The following PTPRG variants were observed in gnomAD, a reference collection of about 807,000 sequenced individuals.
PTPRG encodes the protein receptor-type tyrosine-protein phosphatase gamma.
In PTPRG, 102 loss-of-function variants were observed where a neutral mutation model predicts 165.3. The observed-to-expected ratio is 0.62, with a 90% CI of 0.53 to 0.73. PTPRG has a LOEUF of 0.73. Ranked by LOEUF, PTPRG falls within the 30% of genes least tolerant of loss-of-function variation. The pLI is 0.00. For synonymous variants in PTPRG, 675 were observed against 669.5 expected (o/e 1.01, Z -0.13); for missense variants, 1,866 against 1,861.4 (o/e 1.00, Z -0.05).
At chr3:61,752,508 G>T (rs2033471608) in intron 2 of PTPRG, among the ~76,000 whole-genome samples, 2 of 152,070 alleles carry the variant, frequency 1.3e-5, no homozygotes, top group Admixed American at 1.3e-4. Context: ...GAAAAAGTTT[G>T]CTGGCCGGGT....
At chr3:61,899,012 G>T (rs934798360) in intron 2 of PTPRG, among the ~76,000 whole-genome samples, 5 of 151,886 alleles carry the variant, frequency 3.3e-5, no homozygotes, top group Non-Finnish European at 7.4e-5. Flanking sequence ...GGGCTCAAGC[G>T]ATCCTCCCAC....
chr3:62,064,432 G>A (rs1231933459), intron 4 of PTPRG, among the ~76,000 whole-genome samples: 2 of 152,066 alleles, frequency 1.3e-5, no homozygotes, highest in Admixed American at 1.3e-4. Context: ...TTCAAGGTTG[G>A]TCTTGAACTC....
intron 2 of PTPRG, among the ~76,000 whole-genome samples, chr3:61,932,365 A>G (rs1344827781): frequency 6.6e-6 from 1 of 152,260 alleles, no homozygotes; most frequent in Non-Finnish European, 1.5e-5. Flanking sequence ...ACATAGGATC[A>G]CAAATAGTGT....
chr3:62,038,263 G>C (rs369995194), intron 4 of PTPRG, among the ~76,000 whole-genome samples: 27 of 152,306 alleles, frequency 1.8e-4, no homozygotes, highest in African/African-American at 6.5e-4. Flanking sequence ...CCCTAAGTTG[G>C]TAATGCAGGC....
intron 2 of PTPRG, among the ~76,000 whole-genome samples, chr3:61,776,466 A>G (rs1424291825): frequency 5.3e-5 from 8 of 152,194 alleles, no homozygotes; most frequent in Non-Finnish European, 1.0e-4. Context: ...GCTTATGGTA[A>G]GAACCCGTTT....
intron 27 of PTPRG, among the ~76,000 whole-genome samples, chr3:62,282,009 A>G (rs1031563669): frequency 2.0e-5 from 3 of 152,026 alleles, no homozygotes; most frequent in African/African-American, 7.2e-5. Context: ...AAGCTTTGCA[A>G]TGTGTTGCAC....
intron 4 of PTPRG, among the ~76,000 whole-genome samples, chr3:62,024,275 G>C (rs184034716): frequency 9.2e-5 from 14 of 152,086 alleles, no homozygotes; most frequent in African/African-American, 3.1e-4. Flanking sequence ...ACCCAACCTG[G>C]TAATAGAAAG....
intron 2 of PTPRG, among the ~76,000 whole-genome samples, chr3:61,871,411 T>C (rs1395460760): frequency 6.6e-6 from 1 of 151,942 alleles, no homozygotes; most frequent in African/African-American, 2.4e-5. Flanking sequence ...AAATTTTTTT[T>C]TGGAGAGATG....
intron 7 of PTPRG, among the ~76,000 whole-genome samples, chr3:62,164,259 C>T (rs1470416464): frequency 6.6e-6 from 1 of 152,118 alleles, no homozygotes; most frequent in East Asian, 1.9e-4. Context: ...AGGCAAGAGT[C>T]AGGGTGTGGG....
At chr3:61,608,250 G>A (rs1701068404) in intron 1 of PTPRG, among the ~76,000 whole-genome samples, 1 of 151,886 alleles carries the variant, frequency 6.6e-6, no homozygotes, top group Non-Finnish European at 1.5e-5. Context: ...CAGCTAGGGA[G>A]AAGCTGAGCA....
intron 2 of PTPRG, among the ~76,000 whole-genome samples, chr3:61,857,751 G>T (rs1434407476): frequency 6.6e-6 from 1 of 152,162 alleles, no homozygotes; most frequent in African/African-American, 2.4e-5. Context: ...AATGTTGGGT[G>T]TGTGTTGTTG....
At chr3:62,163,959 T>G (rs892649105) in intron 7 of PTPRG, among the ~76,000 whole-genome samples, 2 of 152,222 alleles carry the variant, frequency 1.3e-5, no homozygotes, top group African/African-American at 4.8e-5. Flanking sequence ...GGCCAGATCA[T>G]AAGGGCCCCA....
At chr3:61,739,618 T>C (rs1349046915) in intron 1 of PTPRG, among the ~76,000 whole-genome samples, 2 of 152,236 alleles carry the variant, frequency 1.3e-5, no homozygotes, top group African/African-American at 4.8e-5. Context: ...ATACCTTTTC[T>C]GAATAATTGT....
rs550648898 is a variant in PTPRG, at chr3:62,143,222, C to A, written c.682+10554C>A. The stretch of plus-strand genomic sequence containing the variant: ...ACACCATTGTGACTATCCTTGTGGT[C>A]CAAAAGCTCGAAATAAGCCATCTGA... On this transcript the variant is annotated intron_variant, in intron 6 of 29. Transcript: ENST00000474889. Among the ~76,000 whole-genome samples, 4 of 152,270 alleles carry A rather than the reference C, an allele frequency of 2.6e-5. No homozygotes were observed. The East Asian group carries it at 5.8e-4, about 22-fold the overall frequency.
chr3:62,047,246 A>T (rs922496837), intron 4 of PTPRG, among the ~76,000 whole-genome samples: 9 of 62,990 alleles, frequency 1.4e-4, no homozygotes, highest in Non-Finnish European at 3.1e-4. Context: ...TGAGCTTCCT[A>T]TTATTTATTT....
In PTPRG at chr3:62,281,664, T is replaced by A; in HGVS notation, c.3867T>A (p.Asn1289Lys). ...LISKDRLCLS[N>K]EEQIIIHDFI... is the part of the protein sequence containing the mutation. ...GCAAAGACAGACTGTGCCTCTCTAA[T>A]GAAGAACAAATTATCATCCATGACT... Residue 1289 changes from asparagine (N) to lysine (K), a missense_variant, in exon 27 of 30, where the codon AAT becomes AAA. By Grantham distance (94) the Asn-to-Lys change is moderately conservative (BLOSUM62 0). Around this residue, in one of 3 missense-constraint regions of PTPRG, gnomAD observed 1,452 missense variants for 1,463.0 expected, o/e 0.99. Coordinates refer to ENST00000474889, the MANE Select transcript of PTPRG (RefSeq NM_002841.4). 6.2e-7 allele frequency: 1 copy of A among 1,610,806 alleles called. No individual in the cohort carries two copies. The highest frequency in any genetic ancestry group is 8.5e-7 in the Non-Finnish European group (1 of 1,178,350).
intron 1 of PTPRG, among the ~76,000 whole-genome samples, chr3:61,635,996 T>G (rs59497357): frequency 6.6e-6 from 1 of 152,168 alleles, no homozygotes; most frequent in Admixed American, 6.5e-5. Flanking sequence ...TCTGCTTGAA[T>G]GCTTCTAATA....
chr3:61,846,724 G>C (rs2036817054), intron 2 of PTPRG, among the ~76,000 whole-genome samples: 1 of 152,202 alleles, frequency 6.6e-6, no homozygotes, highest in Non-Finnish European at 1.5e-5. Flanking sequence ...AGACCAACCT[G>C]GGTAACATGG....
intron 2 of PTPRG, among the ~76,000 whole-genome samples, chr3:61,760,375 C>T (rs919979678): frequency 2.6e-5 from 4 of 152,132 alleles, no homozygotes; most frequent in Non-Finnish European, 4.4e-5. Context: ...CCCCCTTTCT[C>T]GCTGCCCTGG....
Sources: allele counts gnomAD v4.1 joint callset (sites outside exome capture counted in the v4.1 genomes callset), GRCh38; gene constraint gnomAD v4.1.1; regional missense constraint gnomAD v4.1.1; transcripts MANE v1.5; gene names NCBI Gene and HGNC (gene_info 2026-07-23, HGNC 2026-07-21).